Variants in UBAP2 observed in about 807,000 individuals in gnomAD.
The protein encoded by UBAP2 is ubiquitin-associated protein 2.
In UBAP2, 75 loss-of-function variants were observed where a neutral mutation model predicts 139.6. The observed-to-expected ratio is 0.54, with a 90% CI of 0.45 to 0.65. The LOEUF (loss-of-function observed/expected upper bound fraction) is 0.65. Among genes scored for constraint, UBAP2 ranks in the 30% least tolerant of loss-of-function variants. UBAP2 has a pLI of 0.00. For synonymous variants in UBAP2, 526 were observed against 526.2 expected (o/e 1.00, Z 0.01); for missense variants, 1,368 against 1,369.6 (o/e 1.00, Z 0.02).
At chr9:33,968,339 G>C in intron 8 of UBAP2, 2 of 582,546 alleles carry the variant, frequency 3.4e-6, no homozygotes, top group Non-Finnish European at 6.8e-6. Flanking sequence ...ATCGGTCACA[G>C]AGCCAACACT....
chr9:33,958,468 T>C (rs1194789548), intron 10 of UBAP2, among the ~76,000 whole-genome samples: 1 of 151,730 alleles, frequency 6.6e-6, no homozygotes, highest in East Asian at 1.9e-4. Flanking sequence ...TGGAGTGCAA[T>C]GGTGTGATCT....
chr9:33,930,068 T>C (rs185406751), intron 19 of UBAP2, among the ~76,000 whole-genome samples: 3 of 152,096 alleles, frequency 2.0e-5, no homozygotes, highest in African/African-American at 7.2e-5. Context: ...GGAAATCAAA[T>C]GGTTTTCAAA....
At chr9:33,937,151 A>C (rs1824620732) in intron 16 of UBAP2, among the ~76,000 whole-genome samples, 3 of 152,040 alleles carry the variant, frequency 2.0e-5, no homozygotes, top group Non-Finnish European at 4.4e-5. Context: ...AAAAAAGTGA[A>C]AATTATATTG....
At chr9:33,952,753 A>G (rs1826207674) in intron 12 of UBAP2, 2 of 154,588 alleles carry the variant, frequency 1.3e-5, no homozygotes, top group Admixed American at 1.3e-4. Flanking sequence ...CAAACCATAA[A>G]AAAATTTTTA....
chr9:33,984,901 G>A (rs1821073606), intron 6 of UBAP2, among the ~76,000 whole-genome samples: 1 of 152,144 alleles, frequency 6.6e-6, no homozygotes, highest in Non-Finnish European at 1.5e-5. Flanking sequence ...CCTGAACCCA[G>A]GAGTTCAAGA....
chr9:34,018,329 T>G (rs1824578611), intron 1 of UBAP2, among the ~76,000 whole-genome samples: 1 of 152,076 alleles, frequency 6.6e-6, no homozygotes, highest in Non-Finnish European at 1.5e-5. Context: ...CTATAATTGT[T>G]TTTTTGTTTA....
chr9:34,007,722 T>G (rs963433321), intron 2 of UBAP2, among the ~76,000 whole-genome samples: 2 of 150,846 alleles, frequency 1.3e-5, no homozygotes, highest in African/African-American at 2.4e-5. Flanking sequence ...CACTGCAAGC[T>G]CTGCCTCCCC....
intron 13 of UBAP2, among the ~76,000 whole-genome samples, chr9:33,945,949 A>T (rs1031300023): frequency 2.6e-5 from 4 of 152,256 alleles, no homozygotes; most frequent in African/African-American, 9.6e-5. Flanking sequence ...CTGGTAGGAT[A>T]AAGTTGCCCC....
At chr9:33,968,060 CA>C in intron 8 of UBAP2, 1 of 441,548 alleles carries the variant, frequency 2.3e-6, no homozygotes, top group Non-Finnish European at 4.4e-6. Flanking sequence ...GATTTCTTCT[CA>C]AAAGGCACTC....
intron 1 of UBAP2, among the ~76,000 whole-genome samples, chr9:34,020,319 C>A (rs1178360526): frequency 1.3e-5 from 2 of 150,162 alleles, no homozygotes; most frequent in Non-Finnish European, 3.0e-5. Flanking sequence ...CAATGCAGAG[C>A]CAATGATTTT....
At position 33,996,294 on chromosome 9, in the gene UBAP2, C is replaced by T. The variant is rs1467092585; in HGVS notation, c.217G>A (p.Val73Met). ...VTGKNQDECI[V>M]ALHDCNGDVN... ...TCTCCATTACAATCATGTAGGGCCA[C>T]TATGCATTCATCCTGATTTTTCCCT... is the stretch of plus-strand genomic sequence containing the variant. Residue 73 changes from valine to methionine, a missense_variant, in exon 4 of 29, where the codon GTG (valine) becomes ATG (methionine). Transcript: ENST00000379238. The T allele has an allele frequency of 6.2e-7, 1 of 1,613,694 alleles. No homozygotes were observed. Among genetic ancestry groups the T allele is most frequent in the African/African-American group, 1.3e-5 (1 of 75,036 alleles).
At position 33,963,706 on chromosome 9, in the gene UBAP2, A is replaced by G. The variant is rs1428406529; in HGVS notation, c.745+20T>C. 6.7e-7 allele frequency: 1 copy of G among 1,482,634 alleles called. No individual in the cohort carries two copies. 91.8% of individuals were successfully genotyped at this position (1,482,634 alleles called of 1,614,324 possible). ...TATAAGATTCTTAATTTTAAAAATT[A>G]AAAAATTAAGTATTCATACCTTTGA... On this transcript the variant is annotated intron_variant, in intron 9 of 28. Coordinates refer to ENST00000379238, the MANE Select transcript of UBAP2 (RefSeq NM_001370062.2).
At chr9:33,972,820 T>A (rs999887545) in intron 7 of UBAP2, among the ~76,000 whole-genome samples, 1 of 152,082 alleles carries the variant, frequency 6.6e-6, no homozygotes, top group Non-Finnish European at 1.5e-5. Context: ...TCTTAGGCAG[T>A]GCCATTTAGG....
chr9:34,011,624 T>C, intron 2 of UBAP2: 1 of 987,416 alleles, frequency 1.0e-6, no homozygotes, highest in Admixed American at 6.1e-5. Context: ...ATAGGGAAGT[T>C]ACCAGGCTGA....
intron 24 of UBAP2, 151 bp downstream of exon 24, chr9:33,923,644 T>C (rs1336667556): frequency 2.9e-6 from 3 of 1,043,312 alleles, no homozygotes; most frequent in Non-Finnish European, 2.9e-6. Context: ...AGGGGAAAAG[T>C]GACCTTGTCC....
intron 10 of UBAP2, among the ~76,000 whole-genome samples, chr9:33,959,026 A>G (rs1358410839): frequency 6.6e-6 from 1 of 151,946 alleles, no homozygotes; most frequent in Non-Finnish European, 1.5e-5. Flanking sequence ...GCGTGCATCT[A>G]TAATTCCAGC....
chr9:34,010,850 C>T (rs1402533577), intron 2 of UBAP2, among the ~76,000 whole-genome samples: 1 of 152,046 alleles, frequency 6.6e-6, no homozygotes, highest in African/African-American at 2.4e-5. Context: ...TCCCTGGTTT[C>T]AAGACATTTC....
intron 1 of UBAP2, among the ~76,000 whole-genome samples, chr9:34,046,145 G>A (rs1827557572): frequency 6.6e-6 from 1 of 152,186 alleles, no homozygotes; most frequent in Non-Finnish European, 1.5e-5. Context: ...AAAGACAGAT[G>A]TGCTTAAGGG....
At chr9:34,037,997 CAAAAAAAAAA>C (rs72361484) in intron 1 of UBAP2, among the ~76,000 whole-genome samples, 2 of 87,364 alleles carry the variant, frequency 2.3e-5, no homozygotes, top group African/African-American at 9.0e-5. Flanking sequence ...CCTGTCTCTA[CAAAAAAAAAA>C]AAAAAAAAAA....
Sources: gnomAD v4.1 joint callset for allele counts (sites outside exome capture counted in the v4.1 genomes callset) on GRCh38, gnomAD v4.1.1 for gene constraint, MANE v1.5 for transcripts, NCBI Gene and HGNC (gene_info 2026-07-23, HGNC 2026-07-21) for gene names.